Variants in FAM171B observed in about 807,000 individuals in gnomAD.
FAM171B encodes the protein protein FAM171B.
Under a neutral mutation model 75.6 loss-of-function variants are expected in FAM171B, and 19 were observed. The ratio of observed to expected loss-of-function variants is 0.25; its 90% CI spans 0.18 to 0.37. FAM171B has a LOEUF of 0.37. Ranked by LOEUF, FAM171B falls within the 10% of genes least tolerant of loss-of-function variation. The probability of loss-of-function intolerance (pLI) is 1.00; values close to 1 mark genes in which losing one functional copy is unlikely to be tolerated. For synonymous variants in FAM171B, 367 were observed against 361.7 expected (o/e 1.01, Z -0.17); for missense variants, 848 against 982.4 (o/e 0.86, Z 1.83).
intron 1 of FAM171B, among the ~76,000 whole-genome samples, chr2:186,732,886 C>T (rs1393195068): frequency 6.6e-6 from 1 of 152,248 alleles, no homozygotes; most frequent in Non-Finnish European, 1.5e-5. Flanking sequence ...ACTCACCCAA[C>T]TCCTGAGATC....
At chr2:186,760,278 T>C (rs1003669733) in intron 6 of FAM171B, among the ~76,000 whole-genome samples, 1 of 152,136 alleles carries the variant, frequency 6.6e-6, no homozygotes, top group Non-Finnish European at 1.5e-5. Context: ...TCAGTTGTGC[T>C]CTGTTCACTC....
intron 1 of FAM171B, 67 bp from the exon 2 acceptor site, chr2:186,740,161 A>T: frequency 8.9e-7 from 1 of 1,129,516 alleles, no homozygotes; most frequent in Non-Finnish European, 1.3e-6. Context: ...GTTGAATGAC[A>T]TTTAAAGACT....
rs185639595 is a variant in FAM171B, at chr2:186,718,431, A to T, written c.239-21797A>T. Among the ~76,000 whole-genome samples the T allele has an allele frequency of 1.4e-3, 212 of 152,124 alleles. 2 individuals are homozygous for T. The highest frequency in any genetic ancestry group is 0.014 in the Admixed American group (207 of 15,270). Reference sequence around the variant, plus strand: ...ATTCCTTCTTTCTGATGTACCCTTGACTCAACTCTAGGTTTTCAAATCTAC... The same window carrying T: ...ATTCCTTCTTTCTGATGTACCCTTGTCTCAACTCTAGGTTTTCAAATCTAC... On this transcript the variant is annotated intron_variant, in intron 1 of 7. Coordinates refer to ENST00000304698, the MANE Select transcript of FAM171B (RefSeq NM_177454.4).
rs559543417 is a variant in FAM171B, at chr2:186,707,922, T to C, written c.238+13511T>C. On this transcript the variant is annotated intron_variant, in intron 1 of 7. Coordinates refer to ENST00000304698, the MANE Select transcript of FAM171B (RefSeq NM_177454.4). Reference sequence around the variant, plus strand: ...ATGCACTCTCAGAGGCATCTCCTACTTGTGAAAGGTCTGTAATTAATTGGT... The same window carrying C: ...ATGCACTCTCAGAGGCATCTCCTACCTGTGAAAGGTCTGTAATTAATTGGT... 9.1e-4 allele frequency among the ~76,000 whole-genome samples: 139 copies of C among 152,168 alleles called. 2 individuals are homozygous for C. The South Asian group carries it at 0.028, about 31-fold the overall frequency.
intron 1 of FAM171B, among the ~76,000 whole-genome samples, chr2:186,696,468 A>AAC (rs1472916060): frequency 1.0e-4 from 15 of 145,496 alleles, no homozygotes; most frequent in African/African-American, 3.3e-4. Context: ...AAAAAAAAAA[A>AAC]AAACATTAAA....
chr2:186,761,765 A>T lies in FAM171B; in HGVS notation c.1423A>T (p.Asn475Tyr). 1.2e-6 allele frequency: 2 copies of T among 1,613,394 alleles called. No individual in the cohort carries two copies. The highest frequency in any genetic ancestry group is 1.7e-6 in the Non-Finnish European group (2 of 1,179,712). ...TGTTTCATTTCTATCAGTCAATCAAAATAATTACTCAAGAAACCCAACACA... is the reference window on the plus strand; with the variant it reads ...TGTTTCATTTCTATCAGTCAATCAATATAATTACTCAAGAAACCCAACACA... ...EDVSFLSVNQ[N>Y]NYSRNPTQSL... The change falls in exon 8 of 8, where the codon AAT (asparagine) becomes TAT (tyrosine). Residue 475 changes from asparagine to tyrosine, a missense_variant. Physicochemically the swap from Asn to Tyr is moderately radical, Grantham distance 143. Coordinates refer to ENST00000304698, the MANE Select transcript of FAM171B (RefSeq NM_177454.4).
At chr2:186,740,568 T>A in intron 2 of FAM171B, 107 bp downstream of exon 2, 2 of 903,832 alleles carry the variant, frequency 2.2e-6, no homozygotes, top group Non-Finnish European at 3.3e-6. Context: ...TGAAAATGCT[T>A]AAGTCAACAT....
At chr2:186,740,574 A>G (rs1690275106) in intron 2 of FAM171B, 113 bp downstream of exon 2, 1 of 901,162 alleles carries the variant, frequency 1.1e-6, no homozygotes, top group Admixed American at 2.8e-5. Context: ...TGCTTAAGTC[A>G]ACATAAGGAG....
rs1280496073 is a variant in FAM171B at position 186,747,236 on chromosome 2, C to T, written c.710C>T (p.Thr237Ile). 6.3e-7 allele frequency: 1 copy of T among 1,595,554 alleles called. No individual in the cohort carries two copies. The highest frequency in any genetic ancestry group is 1.2e-5 in the South Asian group (1 of 86,166). ...AATTTTCTGCATACAACTGGAATTACTCTCAATAAACCAGGTATTATCTAC... is the reference window on the plus strand; with the variant it reads ...AATTTTCTGCATACAACTGGAATTATTCTCAATAAACCAGGTATTATCTAC... ...VDNFLHTTGITLNKPGFENIE... is the reference protein window; with the variant it reads ...VDNFLHTTGIILNKPGFENIE... The change falls in exon 4 of 8, where the codon ACT (threonine) becomes ATT (isoleucine). Residue 237 changes from threonine to isoleucine, a missense_variant. This residue lies in a region of FAM171B where 665 missense variants were observed against 729.0 expected (regional missense o/e 0.91). Transcript: ENST00000304698.
chr2:186,761,053 A>T, intron 6 of FAM171B, 60 bp from the exon 7 acceptor site: 1 of 1,544,394 alleles, frequency 6.5e-7, no homozygotes, highest in Non-Finnish European at 8.8e-7. Context: ...CCAGGATGTG[A>T]CATAGTTGAG....
intron 1 of FAM171B, among the ~76,000 whole-genome samples, chr2:186,717,052 A>C (rs1369092449): frequency 6.6e-6 from 1 of 152,128 alleles, no homozygotes; most frequent in Non-Finnish European, 1.5e-5. Flanking sequence ...GTGGGTAGTG[A>C]GAAATGGAGC....
At chr2:186,738,444 G>C (rs1028885430) in intron 1 of FAM171B, among the ~76,000 whole-genome samples, 2 of 152,084 alleles carry the variant, frequency 1.3e-5, no homozygotes, top group East Asian at 3.9e-4. Context: ...GTTTTTGTGG[G>C]CTTAGAATGG....
intron 1 of FAM171B, among the ~76,000 whole-genome samples, chr2:186,739,776 A>G (rs1459394107): frequency 2.6e-5 from 4 of 152,366 alleles, no homozygotes; most frequent in African/African-American, 7.2e-5. Flanking sequence ...ATTAAAAAGT[A>G]TAGTAAATTC....
chr2:186,718,904 T>C (rs1355074131), intron 1 of FAM171B, among the ~76,000 whole-genome samples: 2 of 152,260 alleles, frequency 1.3e-5, no homozygotes, highest in Non-Finnish European at 2.9e-5. Flanking sequence ...ATTTTTCTTA[T>C]TTTGCTTAAA....
chr2:186,715,311 T>C (rs1312329349), intron 1 of FAM171B, among the ~76,000 whole-genome samples: 5 of 152,156 alleles, frequency 3.3e-5, no homozygotes, highest in African/African-American at 1.2e-4. Flanking sequence ...CAAGCCATCC[T>C]CTCACCTCAG....
rs1197066919 is a variant in FAM171B, at chr2:186,747,196, T to A, written c.670T>A (p.Phe224Ile). The A allele has an allele frequency of 6.2e-7, 1 of 1,603,764 alleles. No homozygotes were observed. The highest frequency in any genetic ancestry group is 1.7e-5 in the Admixed American group (1 of 58,110). ...TGGCTATCTTACAGTTCTACAACAG[T>A]TTTTGAAAGTGGACAATTTTCTGCA... The part of the protein sequence containing the change: ...VTGYLTVLQQ[F>I]LKVDNFLHTT... Residue 224 changes from phenylalanine (F) to isoleucine (I), a missense_variant, in exon 4 of 8, where the codon TTT becomes ATT. Transcript: ENST00000304698.
intron 1 of FAM171B, among the ~76,000 whole-genome samples, chr2:186,699,355 A>C (rs971861149): frequency 6.6e-6 from 1 of 151,988 alleles, no homozygotes; most frequent in African/African-American, 2.4e-5. Flanking sequence ...TGTAGTTTTG[A>C]TTTGCATTTC....
chr2:186,762,991 A>G lies in FAM171B; in HGVS notation c.*168A>G. 1.3e-6 allele frequency: 1 copy of G among 790,302 alleles called. No homozygotes were observed. The allele number at this position is 790,302 out of a possible 1,614,324, so 49.0% of individuals were successfully genotyped here. ...TAATCAGAGAGAAAGATACCAAGGA[A>G]TGCTTTTTCTGGCCTATTCATTTAT... is the stretch of plus-strand genomic sequence containing the variant. On this transcript the variant is annotated 3_prime_UTR_variant, in exon 8 of 8. Transcript: ENST00000304698. This position sits in a 1 kb window ranked among gnomAD's most constrained non-coding sequence, Gnocchi z 4.0.
At chr2:186,751,550 T>C (rs1490351616) in intron 5 of FAM171B, among the ~76,000 whole-genome samples, 1 of 152,184 alleles carries the variant, frequency 6.6e-6, no homozygotes, top group African/African-American at 2.4e-5. Context: ...CACCACCATT[T>C]TGAGGTAGAA....
Sources: gnomAD v4.1 joint callset for allele counts (sites outside exome capture counted in the v4.1 genomes callset) on GRCh38, gnomAD v4.1.1 for gene constraint, gnomAD v4.1.1 regional missense constraint, Gnocchi (gnomAD v3.1) non-coding constraint, MANE v1.5 for transcripts, NCBI Gene and HGNC (gene_info 2026-07-23, HGNC 2026-07-21) for gene names.